The following ATXN7L1 variants were observed in gnomAD, a reference collection of about 807,000 sequenced individuals.
ATXN7L1 encodes ataxin 7 like 1.
A neutral mutation model predicts 70.8 loss-of-function variants in ATXN7L1; 15 were observed. The ratio of observed to expected loss-of-function variants is 0.21; its 90% CI spans 0.14 to 0.33. The LOEUF is 0.33. ATXN7L1 is among the 10% of genes least tolerant of loss of function. ATXN7L1 has a pLI of 1.00. For synonymous variants in ATXN7L1, 440 were observed against 445.1 expected (o/e 0.99, Z 0.14); for missense variants, 975 against 1,097.1 (o/e 0.89, Z 1.57).
chr7:105,845,731 T>A (rs1813932373), intron 2 of ATXN7L1, among the ~76,000 whole-genome samples: 2 of 151,990 alleles, frequency 1.3e-5, no homozygotes, highest in South Asian at 4.2e-4. Context: ...GAACTGAGAG[T>A]CTAGAAATAA....
intron 3 of ATXN7L1, among the ~76,000 whole-genome samples, chr7:105,710,239 A>G (rs1027190955): frequency 2.0e-5 from 3 of 152,192 alleles, no homozygotes; most frequent in African/African-American, 7.2e-5. Flanking sequence ...TAATTTATGA[A>G]GAAAAGAGGT....
chr7:105,819,891 C>G (rs1809853365), intron 2 of ATXN7L1: 2 of 565,758 alleles, frequency 3.5e-6, no homozygotes, highest in Non-Finnish European at 6.8e-6. Flanking sequence ...CTACAAGAAA[C>G]TTTGCCTACG....
At chr7:105,692,432 C>CCCTCCCTCCTTCCTT (rs1563010026) in intron 3 of ATXN7L1, among the ~76,000 whole-genome samples, 2 of 96,128 alleles carry the variant, frequency 2.1e-5, no homozygotes, top group African/African-American at 8.7e-5. Context: ...CTTCCTCCCT[C>CCCTCCCTCCTTCCTT]CCTCCCTCCC....
intron 4 of ATXN7L1, among the ~76,000 whole-genome samples, chr7:105,650,827 G>A (rs1381369480): frequency 2.0e-5 from 3 of 152,194 alleles, no homozygotes; most frequent in Non-Finnish European, 4.4e-5. Context: ...TGGAAGAATT[G>A]TAAAAATGGC....
At position 105,762,333 on chromosome 7, in the gene ATXN7L1, G is replaced by C. The variant is rs757052117; in HGVS notation, c.355+26271C>G. On this transcript the variant is annotated intron_variant, in intron 3 of 11. Coordinates refer to ENST00000419735, the MANE Select transcript of ATXN7L1 (RefSeq NM_020725.2). ...CCTGGCAGGGCGGACAACCTAGAAGGAGATGCACAGTGCTGTGTACTGCTC... is the reference window on the plus strand; with the variant it reads ...CCTGGCAGGGCGGACAACCTAGAAGCAGATGCACAGTGCTGTGTACTGCTC... Among the ~76,000 whole-genome samples the C allele has an allele frequency of 2.4e-4, 36 of 152,304 alleles. No individual in the cohort carries two copies. The Middle Eastern group carries it at 0.01, about 43-fold the overall frequency.
At chr7:105,651,601 T>A (rs1256226454) in intron 4 of ATXN7L1, among the ~76,000 whole-genome samples, 1 of 152,110 alleles carries the variant, frequency 6.6e-6, no homozygotes. Flanking sequence ...GGTGAGGCAG[T>A]GAGGAAGAAA....
intron 3 of ATXN7L1, among the ~76,000 whole-genome samples, chr7:105,730,825 C>A (rs1429721079): frequency 6.6e-6 from 1 of 152,024 alleles, no homozygotes; most frequent in Non-Finnish European, 1.5e-5. Context: ...AGAAAGCTAT[C>A]GTGCAAAACT....
intron 3 of ATXN7L1, among the ~76,000 whole-genome samples, chr7:105,771,491 G>C (rs145068852): frequency 5.3e-5 from 8 of 152,248 alleles, no homozygotes; most frequent in African/African-American, 1.4e-4. Flanking sequence ...TCGGGAACTT[G>C]AGAGAGAGAT....
At chr7:105,725,641 C>T (rs182382812) in intron 3 of ATXN7L1, among the ~76,000 whole-genome samples, 82 of 148,624 alleles carry the variant, frequency 5.5e-4, no homozygotes, top group African/African-American at 1.8e-3. Context: ...AGTGCAGTGG[C>T]GCCATCTTGG....
At chr7:105,855,470 T>C (rs555276829) in intron 2 of ATXN7L1, among the ~76,000 whole-genome samples, 1 of 152,350 alleles carries the variant, frequency 6.6e-6, no homozygotes, top group East Asian at 1.9e-4. Context: ...TGCTGATGCA[T>C]ATCTCTTCCC....
At chr7:105,757,875 C>G (rs1333021963) in intron 3 of ATXN7L1, among the ~76,000 whole-genome samples, 1 of 151,980 alleles carries the variant, frequency 6.6e-6, no homozygotes, top group Admixed American at 6.6e-5. Flanking sequence ...CAGGTGTGAG[C>G]TACCATGCCT....
chr7:105,740,943 T>G (rs1471779909), intron 3 of ATXN7L1, among the ~76,000 whole-genome samples: 2 of 151,778 alleles, frequency 1.3e-5, no homozygotes, highest in African/African-American at 4.8e-5. Flanking sequence ...TTTTTGTATT[T>G]TTAGTAGAGA....
At chr7:105,839,911 C>T (rs1812950149) in intron 2 of ATXN7L1, among the ~76,000 whole-genome samples, 1 of 152,202 alleles carries the variant, frequency 6.6e-6, no homozygotes, top group South Asian at 2.1e-4. Context: ...CTGAAATGTG[C>T]TATGTAAACA....
chr7:105,634,341 A>C lies in ATXN7L1; in HGVS notation c.1202+4012T>G, dbSNP rs190152616. On this transcript the variant is annotated intron_variant, in intron 7 of 11. Transcript: ENST00000419735. ...AAATCCCACCTTACCACTTTGAGGAAGCAGAGCATCAGTTTGTCTGAGCGC... is the reference window on the plus strand; with the variant it reads ...AAATCCCACCTTACCACTTTGAGGACGCAGAGCATCAGTTTGTCTGAGCGC... Among the ~76,000 whole-genome samples the C allele has an allele frequency of 3.3e-5, 5 of 152,360 alleles. No individual in the cohort carries two copies. In the East Asian group the frequency reaches 9.6e-4, roughly 29 times the overall value.
At chr7:105,792,090 C>A (rs566260581) in intron 2 of ATXN7L1, among the ~76,000 whole-genome samples, 1 of 152,324 alleles carries the variant, frequency 6.6e-6, no homozygotes, top group South Asian at 2.1e-4. Flanking sequence ...CAGAGCCCAT[C>A]CCGTCTCCCC....
intron 3 of ATXN7L1, among the ~76,000 whole-genome samples, chr7:105,693,049 G>A (rs1791222991): frequency 6.6e-6 from 1 of 152,124 alleles, no homozygotes; most frequent in Non-Finnish European, 1.5e-5. Flanking sequence ...ATTTTAACAG[G>A]CTTTTCCATT....
intron 2 of ATXN7L1, among the ~76,000 whole-genome samples, chr7:105,864,385 G>C (rs1237320177): frequency 2.1e-5 from 3 of 146,034 alleles, no homozygotes; most frequent in East Asian, 4.1e-4. Flanking sequence ...TTGAGCCCTG[G>C]AGATCGACGC....
intron 3 of ATXN7L1, among the ~76,000 whole-genome samples, chr7:105,718,706 A>G (rs1794849542): frequency 1.3e-5 from 2 of 152,228 alleles, no homozygotes; most frequent in African/African-American, 4.8e-5. Flanking sequence ...CTTGGGGCCA[A>G]CCCAGGTTAC....
At chr7:105,661,350 G>A (rs987588992) in intron 4 of ATXN7L1, among the ~76,000 whole-genome samples, 7 of 152,142 alleles carry the variant, frequency 4.6e-5, no homozygotes, top group Non-Finnish European at 8.8e-5. Flanking sequence ...TAATAGGGTG[G>A]TATTGGATAC....
Sources: allele counts gnomAD v4.1 joint callset (sites outside exome capture counted in the v4.1 genomes callset), GRCh38; gene constraint gnomAD v4.1.1; transcripts MANE v1.5; gene names NCBI Gene and HGNC (gene_info 2026-07-23, HGNC 2026-07-21).